FAS: variants seen among roughly 807,000 people sequenced by gnomAD.
FAS encodes Fas cell surface death receptor.
Under a neutral mutation model 33.2 loss-of-function variants are expected in FAS, and 5 were observed. The ratio of observed to expected loss-of-function variants is 0.15; its 90% CI spans 0.08 to 0.32. The LOEUF is 0.32. Among genes scored for constraint, FAS ranks in the 10% least tolerant of loss-of-function variants. The pLI is 1.00. For missense variants in FAS, 339 were observed against 386.0 expected, an observed-to-expected ratio of 0.88 and a Z score of 1.02; for synonymous variants, 131 against 130.7, an observed-to-expected ratio of 1.00 and a Z score of -0.01.
chr10:88,988,425 T>G (rs1236373703), upstream of FAS, among the ~76,000 whole-genome samples: 2 of 8,792 alleles, frequency 2.3e-4, no homozygotes, highest in Non-Finnish European at 3.6e-4. Context: ...AGTTTTTTTT[T>G]TTTTTTGTTT....
chr10:88,985,232 C>T (rs188950087), upstream of FAS, among the ~76,000 whole-genome samples: 187 of 152,316 alleles, frequency 1.2e-3, 1 homozygote, highest in Non-Finnish European at 1.8e-3. Context: ...CAGCTTCTCA[C>T]ATCTAGTGAA....
chr10:89,016,899 A>T lies in FAS; in HGVS notation c.*2449A>T, dbSNP rs1848826355. On this transcript the variant is annotated 3_prime_UTR_variant, in exon 9 of 9. Coordinates refer to ENST00000652046, the MANE Select transcript of FAS (RefSeq NM_000043.6). Reference sequence around the variant, plus strand: ...GACACTTTTTAGATATTGAATCATCAGTTTCTGTACAACTATCTGAATAAG... The same window carrying T: ...GACACTTTTTAGATATTGAATCATCTGTTTCTGTACAACTATCTGAATAAG... The T allele has an allele frequency of 1.0e-5, 2 of 195,378 alleles. No homozygotes were observed. Among genetic ancestry groups the T allele is most frequent in the Non-Finnish European group, 1.1e-5 (1 of 93,974 alleles). 12.1% of individuals were successfully genotyped at this position (195,378 alleles called of 1,614,324 possible).
At chr10:89,013,648 C>G (rs1848641812) in intron 8 of FAS, among the ~76,000 whole-genome samples, 1 of 152,158 alleles carries the variant, frequency 6.6e-6, no homozygotes, top group African/African-American at 2.4e-5. Flanking sequence ...GAACTCCTGC[C>G]TAAAAAGATC....
intron 2 of FAS, among the ~76,000 whole-genome samples, chr10:88,978,767 T>C (rs1274520884): frequency 6.6e-6 from 1 of 152,170 alleles, no homozygotes; most frequent in Non-Finnish European, 1.5e-5. Context: ...TCCTCTCTTC[T>C]ACAAATTCAT....
intron 2 of FAS, among the ~76,000 whole-genome samples, chr10:89,005,091 T>G (rs747595259): frequency 1.5e-4 from 22 of 144,760 alleles, no homozygotes; most frequent in Admixed American, 2.9e-4. Flanking sequence ...AAATAAAAGT[T>G]AAGTAGTAGG....
At chr10:88,988,494 T>G (rs1846987775), upstream of FAS, among the ~76,000 whole-genome samples, 1 of 151,154 alleles carries the variant, frequency 6.6e-6, no homozygotes, top group East Asian at 2.0e-4. Flanking sequence ...GTTTAAGTGT[T>G]ATTCAGAATG....
chr10:88,980,199 T>C (rs1410688994), intron 2 of FAS, among the ~76,000 whole-genome samples: 1 of 151,802 alleles, frequency 6.6e-6, no homozygotes, highest in Non-Finnish European at 1.5e-5. Context: ...GAGTGGAACA[T>C]GAGCAGGAAT....
chr10:88,992,616 C>T (rs1847311882), intron 1 of FAS: 2 of 152,024 alleles, frequency 1.3e-5, no homozygotes, highest in South Asian at 4.1e-4. Flanking sequence ...TTAGGTATAA[C>T]TTATATTTGT....
intron 2 of FAS, among the ~76,000 whole-genome samples, chr10:88,975,856 A>C (rs1002166281): frequency 6.6e-6 from 1 of 152,166 alleles, no homozygotes; most frequent in Non-Finnish European, 1.5e-5. Context: ...TTTTTAGTGC[A>C]CTATCAGTAT....
At chr10:88,985,637 TAA>T (rs1056543982), upstream of FAS, among the ~76,000 whole-genome samples, 1 of 152,122 alleles carries the variant, frequency 6.6e-6, no homozygotes, top group African/African-American at 2.4e-5. Flanking sequence ...GGTGCCCTGG[TAA>T]AGAGTCCCCC....
chr10:89,002,647 G>T, intron 1 of FAS: 2 of 302,890 alleles, frequency 6.6e-6, no homozygotes, highest in Non-Finnish European at 1.3e-5. Context: ...AGCTTTAAGT[G>T]CATTATTCCA....
upstream of FAS, among the ~76,000 whole-genome samples, chr10:88,986,579 T>TA (rs1282579152): frequency 6.6e-6 from 1 of 152,210 alleles, no homozygotes; most frequent in East Asian, 1.9e-4. Context: ...CCTGGTCAGT[T>TA]AGGCTTTAGG....
rs1589496449 is a variant in FAS at position 89,016,199 on chromosome 10, T to A, written c.*1749T>A. On this transcript the variant is annotated 3_prime_UTR_variant, in exon 9 of 9. Coordinates refer to ENST00000652046, the MANE Select transcript of FAS (RefSeq NM_000043.6). ...TAATATATTCTATTTAACCCATGAGTCCCAAAGTATTAGCATTTCAACATG... is the reference window on the plus strand; with the variant it reads ...TAATATATTCTATTTAACCCATGAGACCCAAAGTATTAGCATTTCAACATG... 4.6e-6 allele frequency: 1 copy of A among 217,154 alleles called. No homozygotes were observed. Among genetic ancestry groups the A allele is most frequent in the East Asian group, 6.8e-5 (1 of 14,650 alleles). The allele number at this position is 217,154 out of a possible 1,614,324, so 13.5% of individuals were successfully genotyped here. A position where few individuals can be genotyped will look rare whatever the true frequency, so the allele number is the denominator to read the frequency against.
At chr10:88,972,980 T>C (rs528476403) in intron 1 of FAS, among the ~76,000 whole-genome samples, 2 of 152,352 alleles carry the variant, frequency 1.3e-5, no homozygotes, top group African/African-American at 4.8e-5. Flanking sequence ...GGCCAATCTA[T>C]TGAAAAGAAA....
At chr10:89,013,200 C>G in intron 7 of FAS, 143 bp from the exon 8 acceptor site, 1 of 750,582 alleles carries the variant, frequency 1.3e-6, no homozygotes, top group Non-Finnish European at 2.1e-6. Context: ...TTCTTAATCA[C>G]TTAATCTAGC....
upstream of FAS, among the ~76,000 whole-genome samples, chr10:88,982,662 T>A (rs61090767): frequency 0.014 from 2,204 of 152,214 alleles, 61 homozygotes; most frequent in African/African-American, 0.05. Context: ...TGAACTAAGT[T>A]TTTTTTTCTT....
intron 1 of FAS, among the ~76,000 whole-genome samples, chr10:88,970,235 C>G (rs993971492): frequency 1.3e-5 from 2 of 152,190 alleles, no homozygotes; most frequent in East Asian, 1.9e-4. Context: ...TTAAGGAGGT[C>G]TTTGGACGTT....
At chr10:88,998,611 G>T (rs1014121667) in intron 1 of FAS, among the ~76,000 whole-genome samples, 1 of 152,120 alleles carries the variant, frequency 6.6e-6, no homozygotes, top group African/African-American at 2.4e-5. Flanking sequence ...ATATGAATTT[G>T]GGAGTTGGGG....
intron 2 of FAS, among the ~76,000 whole-genome samples, chr10:88,976,564 C>A (rs1019361160): frequency 3.3e-5 from 5 of 152,162 alleles, no homozygotes; most frequent in Non-Finnish European, 7.3e-5. Context: ...ATAGCAAAAA[C>A]CCACTTCCTT....
Sources: gnomAD v4.1 joint callset for allele counts (sites outside exome capture counted in the v4.1 genomes callset) on GRCh38, gnomAD v4.1.1 for gene constraint, MANE v1.5 for transcripts, NCBI Gene and HGNC (gene_info 2026-07-23, HGNC 2026-07-21) for gene names.